CDC42BPA: variants seen among roughly 807,000 people sequenced by gnomAD.
CDC42BPA encodes the protein CDC42 binding protein kinase alpha.
A neutral mutation model predicts 223.5 loss-of-function variants in CDC42BPA; 80 were observed. That is an observed-to-expected ratio of 0.36 (90% CI 0.30 to 0.43). The LOEUF is 0.43. Among genes scored for constraint, CDC42BPA ranks in the 20% least tolerant of loss-of-function variants. The pLI, the probability that CDC42BPA is intolerant of heterozygous loss-of-function variation, is 1.00. For synonymous variants in CDC42BPA, 694 were observed against 718.6 expected (o/e 0.97, Z 0.55); for missense variants, 1,743 against 2,099.9 (o/e 0.83, Z 3.32).
intron 35 of CDC42BPA, among the ~76,000 whole-genome samples, chr1:227,002,482 C>G (rs147304811): frequency 2.1e-3 from 324 of 152,320 alleles, no homozygotes; most frequent in South Asian, 8.3e-3. Flanking sequence ...AAAGCATGCT[C>G]TATGTCTGTA....
chr1:227,092,590 T>G (rs1683279569), intron 15 of CDC42BPA, among the ~76,000 whole-genome samples: 1 of 152,230 alleles, frequency 6.6e-6, no homozygotes, highest in African/African-American at 2.4e-5. Flanking sequence ...TGCTGGGCCC[T>G]TATTTAGTAT....
At chr1:227,176,104 T>C (rs772056732) in intron 5 of CDC42BPA, among the ~76,000 whole-genome samples, 100 of 152,234 alleles carry the variant, frequency 6.6e-4, no homozygotes, top group Non-Finnish European at 1.1e-3. Context: ...AGGCGTGTGA[T>C]ACCATACCGG....
intron 15 of CDC42BPA, among the ~76,000 whole-genome samples, chr1:227,098,646 C>T (rs1223420994): frequency 1.3e-5 from 2 of 151,988 alleles, no homozygotes; most frequent in African/African-American, 4.8e-5. Flanking sequence ...CCTAGTCCAT[C>T]AATACATTGC....
At chr1:227,155,103 A>G (rs1662487727) in intron 6 of CDC42BPA, among the ~76,000 whole-genome samples, 1 of 152,184 alleles carries the variant, frequency 6.6e-6, no homozygotes, top group South Asian at 2.1e-4. Flanking sequence ...CGTAGATTTG[A>G]GGCAGCTGTC....
chr1:227,223,834 TTGCAG>T, intron 2 of CDC42BPA, among the ~76,000 whole-genome samples: 1 of 152,324 alleles, frequency 6.6e-6, no homozygotes, highest in Non-Finnish European at 1.5e-5. Flanking sequence ...TGCTGGTCAG[TTGCAG>T]CGAGCCACAG....
intron 5 of CDC42BPA, among the ~76,000 whole-genome samples, chr1:227,188,543 A>G (rs1426705036): frequency 6.6e-6 from 1 of 152,220 alleles, no homozygotes; most frequent in African/African-American, 2.4e-5. Flanking sequence ...GTTACTCACT[A>G]AAAAGAAATG....
chr1:227,302,504 C>A (rs187456563), intron 1 of CDC42BPA, among the ~76,000 whole-genome samples: 1 of 152,270 alleles, frequency 6.6e-6, no homozygotes, highest in African/African-American at 2.4e-5. Context: ...GATTCTTATC[C>A]TTTGTATTCA....
At chr1:227,046,135 A>G (rs1277481679) in intron 23 of CDC42BPA, among the ~76,000 whole-genome samples, 1 of 152,060 alleles carries the variant, frequency 6.6e-6, no homozygotes, top group Non-Finnish European at 1.5e-5. Context: ...ATAATTTTGA[A>G]ATGTCTACTG....
intron 32 of CDC42BPA, among the ~76,000 whole-genome samples, chr1:227,020,954 G>C (rs944016404): frequency 7.2e-5 from 11 of 152,264 alleles, no homozygotes; most frequent in African/African-American, 2.6e-4. Flanking sequence ...ACTATTGTTG[G>C]TTCTCAGAGA....
At chr1:227,229,004 G>A (rs1236945613) in intron 2 of CDC42BPA, among the ~76,000 whole-genome samples, 1 of 152,002 alleles carries the variant, frequency 6.6e-6, no homozygotes, top group Non-Finnish European at 1.5e-5. Flanking sequence ...TTTTTTGGAG[G>A]CACAAAAGTT....
At chr1:227,286,313 C>A (rs1688793987) in intron 1 of CDC42BPA, among the ~76,000 whole-genome samples, 1 of 152,168 alleles carries the variant, frequency 6.6e-6, no homozygotes, top group South Asian at 2.1e-4. Context: ...TTAGAAATTT[C>A]TTCTGCCAGT....
intron 1 of CDC42BPA, among the ~76,000 whole-genome samples, chr1:227,281,947 T>G (rs1415944094): frequency 6.6e-6 from 1 of 152,106 alleles, no homozygotes; most frequent in East Asian, 1.9e-4. Flanking sequence ...CCCAGCACTT[T>G]GGGAGGCTGA....
At chr1:227,052,752 T>A (rs574425210) in intron 21 of CDC42BPA, among the ~76,000 whole-genome samples, 2 of 152,184 alleles carry the variant, frequency 1.3e-5, no homozygotes, top group Non-Finnish European at 2.9e-5. Context: ...AAATCACAAA[T>A]CATAAAAACA....
chr1:227,034,067 T>A (rs528418802), intron 26 of CDC42BPA, among the ~76,000 whole-genome samples: 1 of 152,218 alleles, frequency 6.6e-6, no homozygotes, highest in African/African-American at 2.4e-5. Flanking sequence ...GAAATTCCGG[T>A]TTTGAGCAAT....
In CDC42BPA at chr1:227,317,476, T is replaced by G. The variant is rs1215613684; in HGVS notation, c.-294A>C. 1 of 390,282 alleles carries G rather than the reference T, an allele frequency of 2.6e-6. No individual in the cohort carries two copies. The highest frequency in any genetic ancestry group is 4.5e-6 in the Non-Finnish European group (1 of 223,428). The allele number at this position is 390,282 out of a possible 1,614,324, so 24.2% of individuals were successfully genotyped here. A position where few individuals can be genotyped will look rare whatever the true frequency, so the allele number is the denominator to read the frequency against. On this transcript the variant is annotated 5_prime_UTR_variant, in exon 1 of 37. Transcript: ENST00000366766. ...TCGTATATTTAAATAAAATAATAAT[T>G]AAAAGTACAACGAACTAGAGAGTCA...
At chr1:227,044,497 GA>G (rs996165773) in intron 23 of CDC42BPA, among the ~76,000 whole-genome samples, 8 of 152,102 alleles carry the variant, frequency 5.3e-5, no homozygotes, top group Non-Finnish European at 2.9e-5. Context: ...CAATGCTTAT[GA>G]CAAAATCAGA....
intron 6 of CDC42BPA, among the ~76,000 whole-genome samples, chr1:227,159,676 T>G (rs887014580): frequency 6.6e-6 from 1 of 151,478 alleles, no homozygotes; most frequent in African/African-American, 2.4e-5. Flanking sequence ...AGAATAAAAC[T>G]GTGGCATATA....
chr1:227,314,712 CT>C (rs1299823413), intron 1 of CDC42BPA, among the ~76,000 whole-genome samples: 4 of 150,532 alleles, frequency 2.7e-5, no homozygotes, highest in African/African-American at 9.9e-5. Flanking sequence ...TATGTAACAA[CT>C]TGTGTTATTA....
At chr1:227,041,183 A>G (rs1253243563) in intron 23 of CDC42BPA, among the ~76,000 whole-genome samples, 1 of 152,188 alleles carries the variant, frequency 6.6e-6, no homozygotes, top group Non-Finnish European at 1.5e-5. Flanking sequence ...TTGTGGGTAC[A>G]CGTGCAGGTT....
Sources: allele counts gnomAD v4.1 joint callset (sites outside exome capture counted in the v4.1 genomes callset), GRCh38; gene constraint gnomAD v4.1.1; transcripts MANE v1.5; gene names NCBI Gene and HGNC (gene_info 2026-07-23, HGNC 2026-07-21).